The following ZFP69 variants were observed in gnomAD, a reference collection of about 807,000 sequenced individuals.
ZFP69 encodes ZFP69 zinc finger protein.
In ZFP69, 35 loss-of-function variants were observed where a neutral mutation model predicts 48.9. The observed-to-expected ratio is 0.72, with a 90% confidence interval of 0.55 to 0.95. The LOEUF is 0.95. ZFP69 is among the 40% of genes least tolerant of loss of function. ZFP69 has a pLI of 0.00. For missense variants in ZFP69, 557 were observed against 638.4 expected (o/e 0.87, Z 1.37); for synonymous variants, 193 against 216.8 (o/e 0.89, Z 0.96).
At chr1:40,490,378 G>A (rs934809014) in intron 5 of ZFP69, among the ~76,000 whole-genome samples, 1 of 152,192 alleles carries the variant, frequency 6.6e-6, no homozygotes, top group African/African-American at 2.4e-5. Flanking sequence ...ATTTTAATAT[G>A]TAGGTCAGAG....
At chr1:40,488,170 TACACAC>T (rs35093961) in intron 3 of ZFP69, among the ~76,000 whole-genome samples, 2 of 147,552 alleles carry the variant, frequency 1.4e-5, no homozygotes, top group African/African-American at 2.5e-5. Flanking sequence ...TTTGTATGTA[TACACAC>T]ACACACACAC....
At chr1:40,491,405 T>C (rs1170301623) in intron 5 of ZFP69, among the ~76,000 whole-genome samples, 1 of 152,232 alleles carries the variant, frequency 6.6e-6, no homozygotes, top group Admixed American at 6.5e-5. Flanking sequence ...GGTTGTAGAA[T>C]ATATGCACTT....
chr1:40,490,949 T>TA (rs1645561582), intron 5 of ZFP69: 6 of 152,288 alleles, frequency 3.9e-5, no homozygotes, highest in Admixed American at 2.0e-4. Context: ...CCACCTAGAC[T>TA]AAGAAATGAA....
chr1:40,491,170 T>C (rs1482454963), intron 5 of ZFP69: 4 of 152,250 alleles, frequency 2.6e-5, no homozygotes, highest in African/African-American at 9.6e-5. Context: ...CCTTTTGCTT[T>C]TCTCATTCAA....
rs1198535330 is a variant in ZFP69, at chr1:40,495,799, T to C, written c.1321T>C (p.Cys441Arg). ...CCATACTGGGGAGAGACCCTACAAA[T>C]GTAAAGAATGTGGAAAAGCCTTTAG... is the stretch of plus-strand genomic sequence containing the variant. ...RIHTGERPYK[C>R]KECGKAFRQR... Residue 441 changes from cysteine (C) to arginine (R), a missense_variant, in exon 6 of 6, where the codon TGT (cysteine) becomes CGT (arginine). Coordinates refer to ENST00000372706, the MANE Select transcript of ZFP69 (RefSeq NM_001320179.2). 2 of 1,614,162 alleles carry C rather than the reference T, an allele frequency of 1.2e-6. No individual in the cohort carries two copies. The highest frequency in any genetic ancestry group is 1.7e-6 in the Non-Finnish European group (2 of 1,180,024).
chr1:40,486,485 C>A (rs933285196), intron 3 of ZFP69, among the ~76,000 whole-genome samples: 1 of 130,242 alleles, frequency 7.7e-6, no homozygotes, highest in Non-Finnish European at 1.6e-5. Flanking sequence ...TTCCTCCCTC[C>A]CTCCCTCCCT....
At chr1:40,483,108 G>A (rs994053865) in intron 3 of ZFP69, among the ~76,000 whole-genome samples, 3 of 152,038 alleles carry the variant, frequency 2.0e-5, no homozygotes, top group Admixed American at 1.3e-4. Context: ...TCAACTGGGG[G>A]TGGAGTGGAA....
At chr1:40,487,225 C>T (rs973462886) in intron 3 of ZFP69, among the ~76,000 whole-genome samples, 17 of 152,034 alleles carry the variant, frequency 1.1e-4, no homozygotes, top group African/African-American at 4.1e-4. Flanking sequence ...GCCCGGCCTA[C>T]AGTTGATTCT....
chr1:40,496,262 TAAATG>T lies in ZFP69; in HGVS notation c.*206_*210del. The T allele has an allele frequency of 2.3e-6, 1 of 443,504 alleles. No homozygotes were observed. The highest frequency in any genetic ancestry group is 3.9e-6 in the Non-Finnish European group (1 of 256,258). 27.5% of individuals were successfully genotyped at this position (443,504 alleles called of 1,614,324 possible). A position where few individuals can be genotyped will look rare whatever the true frequency, so the allele number is the denominator to read the frequency against. On this transcript the variant is annotated 3_prime_UTR_variant, in exon 6 of 6. Coordinates refer to ENST00000372706, the MANE Select transcript of ZFP69 (RefSeq NM_001320179.2). Reference sequence around the variant, plus strand: ...AAGATTAAAATCTGGTCCTTAAAATTAAATGAATTCAGCATTATGAAAAATTCATA... The same window carrying T: ...AAGATTAAAATCTGGTCCTTAAAATTAATTCAGCATTATGAAAAATTCATA...
chr1:40,489,871 T>TC (rs1645547066), intron 5 of ZFP69, among the ~76,000 whole-genome samples: 1 of 95,156 alleles, frequency 1.1e-5, no homozygotes, highest in African/African-American at 3.6e-5. Flanking sequence ...TTTTTCTTTT[T>TC]TTTTTTTTTT....
In ZFP69 at chr1:40,496,212, C is replaced by A; in HGVS notation, c.*153C>A. 1 of 642,076 alleles carries A rather than the reference C, an allele frequency of 1.6e-6. No homozygotes were observed. Among genetic ancestry groups the A allele is most frequent in the Non-Finnish European group, 2.5e-6 (1 of 404,242 alleles). The allele number at this position is 642,076 out of a possible 1,614,324, so 39.8% of individuals were successfully genotyped here. On this transcript the variant is annotated 3_prime_UTR_variant, in exon 6 of 6. Transcript: ENST00000372706. ...TAAACATTACATTGACAGGTATTGA[C>A]TACTAACACCTCTAAAAAGTACTTA...
At position 40,495,963 on chromosome 1, in the gene ZFP69, C is replaced by T. The variant is rs1244582788; in HGVS notation, c.1485C>T (p.Tyr495=). The change falls in exon 6 of 6, where the codon TAC becomes TAT. Residue 495 remains tyrosine (Y), a synonymous_variant. Transcript: ENST00000372706. ...GACATCACACTGGAGAAAAACCTTA[C>T]GAATGTAACGAATGTGGAAAAGCCT... The part of the protein sequence containing the change: ...HQRHHTGEKP[Y]ECNECGKAFS... 9.9e-6 allele frequency: 16 copies of T among 1,614,026 alleles called. No individual in the cohort carries two copies. In the Admixed American group the frequency reaches 1.0e-4, roughly 10 times the overall value.
intron 3 of ZFP69, among the ~76,000 whole-genome samples, chr1:40,487,515 A>G (rs1645513759): frequency 2.0e-5 from 3 of 152,234 alleles, no homozygotes; most frequent in Admixed American, 1.3e-4. Context: ...CAGACTATTC[A>G]TGGTGCCATT....
intron 5 of ZFP69, among the ~76,000 whole-genome samples, chr1:40,494,436 T>A (rs1645603537): frequency 6.9e-6 from 1 of 145,278 alleles, no homozygotes; most frequent in South Asian, 2.1e-4. Flanking sequence ...GCCCGGCTAA[T>A]TTTTTGTATT....
intron 5 of ZFP69, among the ~76,000 whole-genome samples, chr1:40,492,683 C>T (rs1029223653): frequency 2.6e-5 from 4 of 152,148 alleles, no homozygotes; most frequent in African/African-American, 9.7e-5. Flanking sequence ...AATTGAATTT[C>T]TAGATCAATT....
rs954515833 is a variant in ZFP69 at position 40,487,429 on chromosome 1, CTATTT to C, written c.220-1655_220-1651del. 1.4e-4 allele frequency among the ~76,000 whole-genome samples: 21 copies of C among 152,074 alleles called. No homozygotes were observed. The Middle Eastern group carries it at 0.01, about 74-fold the overall frequency. ...ACATAAAATATATGTAGGTACTAGT[CTATTT>C]TATCATTTACTACCATAAGAGATAC... On this transcript the variant is annotated intron_variant, in intron 3 of 5. Coordinates refer to ENST00000372706, the MANE Select transcript of ZFP69 (RefSeq NM_001320179.2).
In ZFP69 at chr1:40,495,164, A is replaced by G. The variant is rs1324777114; in HGVS notation, c.686A>G (p.Asn229Ser). The stretch of plus-strand genomic sequence containing the variant: ...CAAGAAACTAACAAATTTGGGGAAA[A>G]TATCATTGTGCATTCAAATGTTATT... ...RVQETNKFGE[N>S]IIVHSNVIIE... The change falls in exon 6 of 6, where the codon AAT becomes AGT. Residue 229 changes from asparagine (N) to serine (S), a missense_variant. Physicochemically the swap from Asn to Ser is conservative, Grantham distance 46 (BLOSUM62 1). Coordinates refer to ENST00000372706, the MANE Select transcript of ZFP69 (RefSeq NM_001320179.2). 6.2e-7 allele frequency: 1 copy of G among 1,614,036 alleles called. No homozygotes were observed. Among genetic ancestry groups the G allele is most frequent in the Non-Finnish European group, 8.5e-7 (1 of 1,180,018 alleles).
At position 40,489,173 on chromosome 1, in the gene ZFP69, G is replaced by A. The variant is rs145832267; in HGVS notation, c.305G>A (p.Arg102Gln). 34 of 1,613,992 alleles carry A rather than the reference G, an allele frequency of 2.1e-5. No homozygotes were observed. The African/African-American group carries it at 3.1e-4, about 15-fold the overall frequency. ...GCTCCTGCTCACCAGAATCTATACCGAGAGGTGATGCTGGAGAACTACAGC... is the reference window on the plus strand; with the variant it reads ...GCTCCTGCTCACCAGAATCTATACCAAGAGGTGATGCTGGAGAACTACAGC... ...QLAPAHQNLY[R>Q]EVMLENYSNL... The change falls in exon 4 of 6, where the codon CGA (arginine) becomes CAA (glutamine). Residue 102 changes from arginine (R) to glutamine (Q), a missense_variant. Transcript: ENST00000372706.
In ZFP69 at chr1:40,489,614, T is replaced by A; in HGVS notation, c.432T>A (p.Asp144Glu). The change falls in exon 5 of 6, where the codon GAT (aspartate) becomes GAA (glutamate). Residue 144 changes from aspartate to glutamate, a missense_variant. Transcript: ENST00000372706. The part of the protein sequence containing the change: ...PWMAEKEGPG[D>E]PSSDLKSKIE... ...TGGCAGAGAAAGAAGGCCCAGGAGA[T>A]CCCAGTTCAGGTGAGACCAAGTGTG... The A allele has an allele frequency of 1.9e-6, 3 of 1,581,882 alleles. No homozygotes were observed. Among genetic ancestry groups the A allele is most frequent in the Non-Finnish European group, 2.6e-6 (3 of 1,151,440 alleles).
Sources: allele counts gnomAD v4.1 joint callset (sites outside exome capture counted in the v4.1 genomes callset), GRCh38; gene constraint gnomAD v4.1.1; transcripts MANE v1.5; gene names NCBI Gene and HGNC (gene_info 2026-07-23, HGNC 2026-07-21).